The following RNF180 variants were observed in gnomAD, a reference collection of about 807,000 sequenced individuals.
RNF180 encodes E3 ubiquitin-protein ligase RNF180.
Under a neutral mutation model 59.2 loss-of-function variants are expected in RNF180, and 38 were observed. That is an observed-to-expected ratio of 0.64 (90% CI 0.50 to 0.84). RNF180 has a LOEUF of 0.84. Ranked by LOEUF, RNF180 falls within the 40% of genes least tolerant of loss-of-function variation. The probability of loss-of-function intolerance (pLI) is 0.00; values close to 1 mark genes in which losing one functional copy is unlikely to be tolerated. For synonymous variants in RNF180, 262 were observed against 240.3 expected, an observed-to-expected ratio of 1.09 and a Z score of -0.84; for missense variants, 705 against 700.9, an observed-to-expected ratio of 1.01 and a Z score of -0.07.
At chr5:64,315,915 C>T (rs1056833130) in intron 5 of RNF180, among the ~76,000 whole-genome samples, 1 of 151,848 alleles carries the variant, frequency 6.6e-6, no homozygotes, top group East Asian at 1.9e-4. Context: ...TAGCAATGAG[C>T]TTTTCTTTTT....
At chr5:64,206,537 T>C (rs1752024203) in intron 2 of RNF180, among the ~76,000 whole-genome samples, 1 of 152,210 alleles carries the variant, frequency 6.6e-6, no homozygotes, top group African/African-American at 2.4e-5. Flanking sequence ...ATAAATATTT[T>C]TATGCTTATT....
intron 7 of RNF180, among the ~76,000 whole-genome samples, chr5:64,345,038 T>C (rs1745501704): frequency 6.6e-6 from 1 of 152,100 alleles, no homozygotes; most frequent in South Asian, 2.1e-4. Context: ...GTTTCTCATT[T>C]GGCTAGTGAT....
chr5:64,254,496 A>G (rs1030458922), intron 5 of RNF180, among the ~76,000 whole-genome samples: 1 of 152,160 alleles, frequency 6.6e-6, no homozygotes, highest in South Asian at 2.1e-4. Flanking sequence ...CATGCTTTTT[A>G]TAGAATATTA....
intron 5 of RNF180, among the ~76,000 whole-genome samples, chr5:64,253,550 T>G (rs1201637594): frequency 6.6e-6 from 1 of 152,128 alleles, no homozygotes; most frequent in Non-Finnish European, 1.5e-5. Context: ...AGATTGAAAT[T>G]TTTCAATCTG....
chr5:64,285,981 T>G (rs1742264311), intron 5 of RNF180, among the ~76,000 whole-genome samples: 1 of 152,034 alleles, frequency 6.6e-6, no homozygotes, highest in Non-Finnish European at 1.5e-5. Flanking sequence ...CAGATGTGCA[T>G]AGCAAGCGTG....
At chr5:64,352,484 T>C (rs1361273897) in intron 7 of RNF180, among the ~76,000 whole-genome samples, 1 of 152,080 alleles carries the variant, frequency 6.6e-6, no homozygotes, top group Non-Finnish European at 1.5e-5. Context: ...TTTCTTTTAA[T>C]TGTGATGTTA....
intron 5 of RNF180, among the ~76,000 whole-genome samples, chr5:64,248,917 TGCA>T (rs1345855995): frequency 6.6e-6 from 1 of 152,102 alleles, no homozygotes; most frequent in East Asian, 1.9e-4. Context: ...TGGAATACAA[TGCA>T]GTCATAAAAA....
chr5:64,357,327 T>A (rs944495516), intron 7 of RNF180, among the ~76,000 whole-genome samples: 1 of 151,826 alleles, frequency 6.6e-6, no homozygotes, highest in Non-Finnish European at 1.5e-5. Flanking sequence ...CCTACTTATA[T>A]CAATCAACTT....
chr5:64,292,277 T>G (rs1394203299), intron 5 of RNF180, among the ~76,000 whole-genome samples: 2 of 152,210 alleles, frequency 1.3e-5, no homozygotes, highest in Non-Finnish European at 2.9e-5. Context: ...TGTCTGCCTT[T>G]GATTTTTAAG....
intron 5 of RNF180, among the ~76,000 whole-genome samples, 185 bp from the exon 6 acceptor site, chr5:64,325,001 G>C (rs1015141490): frequency 3.9e-5 from 6 of 152,016 alleles, no homozygotes; most frequent in Admixed American, 6.6e-5. Flanking sequence ...AGAAAAATAG[G>C]CTTCTGGGTT....
At chr5:64,231,753 C>T (rs960840597) in intron 5 of RNF180, among the ~76,000 whole-genome samples, 1 of 152,148 alleles carries the variant, frequency 6.6e-6, no homozygotes, top group Admixed American at 6.6e-5. Flanking sequence ...CTCCTTGATG[C>T]AGTGCTATCA....
At chr5:64,244,237 T>C (rs1247577212) in intron 5 of RNF180, among the ~76,000 whole-genome samples, 2 of 152,162 alleles carry the variant, frequency 1.3e-5, no homozygotes, top group Non-Finnish European at 2.9e-5. Flanking sequence ...GGATGGAGAA[T>C]GAGTTTGATG....
chr5:64,348,385 C>T (rs1323196703), intron 7 of RNF180, among the ~76,000 whole-genome samples: 1 of 152,002 alleles, frequency 6.6e-6, no homozygotes, highest in African/African-American at 2.4e-5. Flanking sequence ...CTTATTCTTT[C>T]AAGTTATTTT....
chr5:64,359,610 C>CT (rs1292967246), intron 7 of RNF180, among the ~76,000 whole-genome samples: 4 of 151,694 alleles, frequency 2.6e-5, no homozygotes, highest in Non-Finnish European at 4.4e-5. Flanking sequence ...ATGGTAGTTT[C>CT]TTTTGCTGTG....
chr5:64,257,342 T>C (rs1744034247), intron 5 of RNF180, among the ~76,000 whole-genome samples: 1 of 152,228 alleles, frequency 6.6e-6, no homozygotes, highest in Non-Finnish European at 1.5e-5. Flanking sequence ...TGTGGGTCTG[T>C]CATAAATAGC....
intron 7 of RNF180, among the ~76,000 whole-genome samples, chr5:64,337,749 A>T (rs1745191216): frequency 6.8e-6 from 1 of 147,444 alleles, no homozygotes; most frequent in Non-Finnish European, 1.5e-5. Context: ...GAGTGAGAAC[A>T]TGCGGTGTTT....
At chr5:64,263,272 C>T (rs1407707049) in intron 5 of RNF180, among the ~76,000 whole-genome samples, 2 of 152,140 alleles carry the variant, frequency 1.3e-5, no homozygotes, top group Non-Finnish European at 2.9e-5. Context: ...CAGCAGTGTG[C>T]TGGGGAATAT....
chr5:64,181,321 A>G (rs1371005980), intron 1 of RNF180, among the ~76,000 whole-genome samples: 1 of 152,222 alleles, frequency 6.6e-6, no homozygotes, highest in Admixed American at 6.5e-5. Flanking sequence ...GACACTCAGT[A>G]TTAACCATCA....
chr5:64,366,457 A>G (rs773511424), intron 7 of RNF180, among the ~76,000 whole-genome samples: 4 of 151,284 alleles, frequency 2.6e-5, no homozygotes. Context: ...TTCTTACTAA[A>G]TATTTTGTAT....
Sources: allele counts gnomAD v4.1 joint callset (sites outside exome capture counted in the v4.1 genomes callset), GRCh38; gene constraint gnomAD v4.1.1; transcripts MANE v1.5; gene names NCBI Gene and HGNC (gene_info 2026-07-23, HGNC 2026-07-21).